L3MBTL2: variants seen among roughly 807,000 people sequenced by gnomAD.
L3MBTL2 encodes L3MBTL histone methyl-lysine binding protein 2.
L3MBTL2 carries 49 observed loss-of-function variants against 86.4 expected under a neutral mutation model. The ratio of observed to expected loss-of-function variants is 0.57; its 90% CI spans 0.45 to 0.72. L3MBTL2 has a LOEUF of 0.72. L3MBTL2 is among the 30% of genes least tolerant of loss of function. L3MBTL2 has a pLI of 0.00. For synonymous variants in L3MBTL2, 336 were observed against 350.6 expected, an observed-to-expected ratio of 0.96 and a Z score of 0.47; for missense variants, 755 against 923.7, an observed-to-expected ratio of 0.82 and a Z score of 2.37.
intron 1 of L3MBTL2, among the ~76,000 whole-genome samples, 190 bp downstream of exon 1, chr22:41,205,576 A>G (rs1026849689): frequency 3.9e-5 from 6 of 152,288 alleles, no homozygotes; most frequent in South Asian, 2.1e-4. Context: ...GCTGGGGCCA[A>G]CGTTCGGCGA....
At chr22:41,210,479 G>A (rs1050365166) in intron 2 of L3MBTL2, among the ~76,000 whole-genome samples, 5 of 152,164 alleles carry the variant, frequency 3.3e-5, no homozygotes, top group African/African-American at 9.7e-5. Flanking sequence ...ACAGGCGCCC[G>A]CCATGACGCC....
In L3MBTL2 at chr22:41,216,222, G is replaced by A. The variant is rs762031971; in HGVS notation, c.480G>A (p.Gly160=). The part of the protein sequence containing the change: ...AKIGAFLHSQ[G]TGQLADGTPT... ...TTGGAGCCTTCCTCCACTCTCAAGGGACAGGACAGCTGGCAGATGGGACAC... is the reference window on the plus strand; with the variant it reads ...TTGGAGCCTTCCTCCACTCTCAAGGAACAGGACAGCTGGCAGATGGGACAC... The change falls in exon 4 of 17, where the codon GGG becomes GGA. Residue 160 remains glycine (G), a synonymous_variant. Coordinates refer to ENST00000216237, the MANE Select transcript of L3MBTL2 (RefSeq NM_031488.5). The A allele has an allele frequency of 5.0e-6, 8 of 1,614,134 alleles. No homozygotes were observed. Among genetic ancestry groups the A allele is most frequent in the East Asian group, 4.5e-5 (2 of 44,872 alleles).
intron 6 of L3MBTL2, among the ~76,000 whole-genome samples, chr22:41,219,835 G>C (rs766680765): frequency 3.9e-5 from 6 of 152,088 alleles, no homozygotes; most frequent in Non-Finnish European, 7.4e-5. Context: ...TCCACCTCCT[G>C]GGTTCAAGCG....
At chr22:41,221,142 C>T (rs2031787314) in intron 7 of L3MBTL2, 57 bp from the exon 8 acceptor site, 2 of 1,388,800 alleles carry the variant, frequency 1.4e-6, no homozygotes, top group Admixed American at 2.6e-5. Flanking sequence ...CGCTAGCGCC[C>T]CTGTCAGTGG....
rs1401754017 is a variant in L3MBTL2 at position 41,230,778 on chromosome 22, A to G, written c.*527A>G. The G allele has an allele frequency of 6.5e-6, 1 of 153,446 alleles. No individual in the cohort carries two copies. 9.5% of individuals were successfully genotyped at this position (153,446 alleles called of 1,614,324 possible). A position where few individuals can be genotyped will look rare whatever the true frequency, so the allele number is the denominator to read the frequency against. On this transcript the variant is annotated 3_prime_UTR_variant, in exon 17 of 17. Coordinates refer to ENST00000216237, the MANE Select transcript of L3MBTL2 (RefSeq NM_031488.5). ...ACCAAGCAGAATGCCTCTCAGCCTC[A>G]TGTGTTGGTCCTCTGCTCCTCCTAG...
chr22:41,219,087 A>C (rs1199664150), intron 5 of L3MBTL2: 1 of 236,852 alleles, frequency 4.2e-6, no homozygotes, highest in Admixed American at 4.7e-5. Flanking sequence ...TCGGGCTGGC[A>C]CAGGGACGAA....
chr22:41,205,495 G>A lies in L3MBTL2; in HGVS notation c.24+109G>A, dbSNP rs2030133258. 5 of 1,325,820 alleles carry A rather than the reference G, an allele frequency of 3.8e-6. No individual in the cohort carries two copies. The South Asian group carries it at 4.7e-5, about 12-fold the overall frequency. 82.1% of individuals were successfully genotyped at this position (1,325,820 alleles called of 1,614,324 possible). A position where few individuals can be genotyped will look rare whatever the true frequency, so the allele number is the denominator to read the frequency against. ...ACGCCTGGAGGGTGGAGGGTGGGAG[G>A]ATGGATAAACTGAGGTAGTTAAACT... On this transcript the variant is annotated intron_variant, in intron 1 of 16. Transcript: ENST00000216237.
At position 41,221,630 on chromosome 22, in the gene L3MBTL2, G is replaced by A. The variant is rs374734998; in HGVS notation, c.942+343G>A. Among the ~76,000 whole-genome samples the A allele has an allele frequency of 5.3e-5, 8 of 152,246 alleles. No individual in the cohort carries two copies. The East Asian group carries it at 9.6e-4, about 18-fold the overall frequency. ...CATACTTTTTTGTTTTTTGGGAGAC[G>A]GAGTCTCGCTCTGTCCCCCAGGCTG... On this transcript the variant is annotated intron_variant, in intron 8 of 16. Coordinates refer to ENST00000216237, the MANE Select transcript of L3MBTL2 (RefSeq NM_031488.5).
chr22:41,220,951 G>A, intron 7 of L3MBTL2, 83 bp downstream of exon 7: 3 of 1,467,876 alleles, frequency 2.0e-6, no homozygotes, highest in South Asian at 2.5e-5. Context: ...TAGGTAGAAT[G>A]GGAGTCCTCT....
chr22:41,225,790 C>G lies in L3MBTL2; in HGVS notation c.1357-4C>G. The G allele has an allele frequency of 1.2e-6, 2 of 1,606,696 alleles. No homozygotes were observed. Among genetic ancestry groups the G allele is most frequent in the Non-Finnish European group, 1.7e-6 (2 of 1,174,388 alleles). ...TCTGTCTGCCTGCTCCCCCCACCCC[C>G]CAGGTTCTCCTGGATGGATACCTGA... On this transcript the variant is annotated splice_polypyrimidine_tract_variant and splice_region_variant and intron_variant, in intron 11 of 16. Transcript: ENST00000216237. The surrounding 1 kb of genome is among the most constrained non-coding windows in gnomAD (Gnocchi z 4.1).
chr22:41,230,052 G>A (rs2032480052), intron 16 of L3MBTL2, 87 bp from the exon 17 acceptor site: 6 of 959,974 alleles, frequency 6.3e-6, no homozygotes, highest in Non-Finnish European at 8.1e-6. Flanking sequence ...CATCTGTAGG[G>A]AGCCAGGTCC....
intron 1 of L3MBTL2, chr22:41,208,336 C>T: frequency 4.5e-6 from 2 of 446,996 alleles, no homozygotes; most frequent in Admixed American, 2.4e-5. Flanking sequence ...GGCTGTGTTG[C>T]CAAGGCTGGT....
At position 41,227,702 on chromosome 22, in the gene L3MBTL2, G is replaced by T. The variant is rs2032282960; in HGVS notation, c.1823-102G>T. 1.3e-6 allele frequency: 2 copies of T among 1,598,436 alleles called. No homozygotes were observed. The highest frequency in any genetic ancestry group is 4.5e-5 in the East Asian group (2 of 44,260). On this transcript the variant is annotated intron_variant, in intron 14 of 16. Transcript: ENST00000216237. This position sits in a 1 kb window ranked among gnomAD's most constrained non-coding sequence, Gnocchi z 6.0. ...CAGGTTTGGCTTCCTGTCTTGGGGT[G>T]TCTCGTGTGGGAGGGTGGATGGGGT...
At chr22:41,209,478 G>C (rs1387175681) in intron 1 of L3MBTL2, 2 of 522,768 alleles carry the variant, frequency 3.8e-6, no homozygotes, top group Admixed American at 6.4e-5. Context: ...GAGGAGCCTG[G>C]TGAATTCCTA....
At position 41,230,372 on chromosome 22, in the gene L3MBTL2, G is replaced by T. The variant is rs558968327; in HGVS notation, c.*121G>T. 5 of 752,364 alleles carry T rather than the reference G, an allele frequency of 6.6e-6. No homozygotes were observed. Among genetic ancestry groups the T allele is most frequent in the Non-Finnish European group, 1.1e-5 (5 of 444,120 alleles). The allele number at this position is 752,364 out of a possible 1,614,324, so 46.6% of individuals were successfully genotyped here. A position where few individuals can be genotyped will look rare whatever the true frequency, so the allele number is the denominator to read the frequency against. ...GATCCTCTCTGTGTAAATTCTGCCC[G>T]GTGCTGTGAAGGCTGGACGGTGGAG... On this transcript the variant is annotated 3_prime_UTR_variant, in exon 17 of 17. Transcript: ENST00000216237.
intron 7 of L3MBTL2, 108 bp downstream of exon 7, chr22:41,220,976 G>T: frequency 7.6e-7 from 1 of 1,315,506 alleles, no homozygotes. Context: ...TGTTAGAACA[G>T]AATCCACTTG....
chr22:41,210,124 C>T, intron 2 of L3MBTL2, 191 bp downstream of exon 2: 5 of 474,414 alleles, frequency 1.1e-5, no homozygotes, highest in South Asian at 4.9e-5. Context: ...TGTTAACTTC[C>T]TTTGCTGAAG....
At chr22:41,226,536 G>C in intron 12 of L3MBTL2, 126 bp from the exon 13 acceptor site, 1 of 723,228 alleles carries the variant, frequency 1.4e-6, no homozygotes. Flanking sequence ...TGAGAAGAAG[G>C]CTGCTGGGGA....
intron 2 of L3MBTL2, among the ~76,000 whole-genome samples, chr22:41,212,985 G>A (rs979073879): frequency 6.6e-6 from 1 of 151,572 alleles, no homozygotes; most frequent in African/African-American, 2.4e-5. Context: ...TTGGGAGGCC[G>A]ACACGGCGGA....
Sources: gnomAD v4.1 joint callset for allele counts (sites outside exome capture counted in the v4.1 genomes callset) on GRCh38, gnomAD v4.1.1 for gene constraint, Gnocchi (gnomAD v3.1) non-coding constraint, MANE v1.5 for transcripts, NCBI Gene and HGNC (gene_info 2026-07-23, HGNC 2026-07-21) for gene names.